The following MERTK variants were observed in gnomAD, a reference collection of about 807,000 sequenced individuals.
The protein encoded by MERTK is MER proto-oncogene, tyrosine kinase.
Under a neutral mutation model 99.3 loss-of-function variants are expected in MERTK, and 69 were observed. That is an observed-to-expected ratio of 0.70 (90% CI 0.57 to 0.85). The LOEUF is 0.85. MERTK is among the 40% of genes least tolerant of loss of function. MERTK has a pLI of 0.00. For missense variants in MERTK, 1,125 were observed against 1,249.4 expected (o/e 0.90, Z 1.50); for synonymous variants, 426 against 467.6 (o/e 0.91, Z 1.15).
chr2:111,941,393 T>A (rs1684863510), intron 2 of MERTK, among the ~76,000 whole-genome samples: 1 of 152,188 alleles, frequency 6.6e-6, no homozygotes, highest in African/African-American at 2.4e-5. Flanking sequence ...TTTCTCCTAC[T>A]GTGCTGCCCA....
chr2:111,973,792 G>A (rs1254450572), intron 6 of MERTK, among the ~76,000 whole-genome samples: 1 of 152,068 alleles, frequency 6.6e-6, no homozygotes, highest in Non-Finnish European at 1.5e-5. Flanking sequence ...AGGTATGCGA[G>A]GAAAGAGATG....
chr2:112,001,351 TAGAC>T (rs1398234838), intron 11 of MERTK, 65 bp downstream of exon 11: 46 of 1,273,636 alleles, frequency 3.6e-5, no homozygotes, highest in Non-Finnish European at 4.9e-5. Flanking sequence ...GAAGGATCAA[TAGAC>T]AGATTTCTAA....
In MERTK at chr2:111,980,935, A is replaced by G. The variant is rs116018637; in HGVS notation, c.1145-1907A>G. On this transcript the variant is annotated intron_variant, in intron 7 of 18. Transcript: ENST00000295408. The stretch of plus-strand genomic sequence containing the variant: ...ACTCCTCTTTGCCTTGTGAGTTTAT[A>G]TCTTTTTAAATTCTTTATTGCCATC... Among the ~76,000 whole-genome samples the G allele has an allele frequency of 3.5e-3, 531 of 152,182 alleles. 5 individuals are homozygous for G. Among genetic ancestry groups the G allele is most frequent in the African/African-American group, 0.012 (480 of 41,520 alleles).
chr2:111,962,289 C>T (rs1256899235), intron 4 of MERTK, among the ~76,000 whole-genome samples: 1 of 152,126 alleles, frequency 6.6e-6, no homozygotes, highest in Non-Finnish European at 1.5e-5. Flanking sequence ...AGGTGGATCA[C>T]CTGAGGTCGG....
chr2:111,982,014 C>A (rs1293369410), intron 7 of MERTK, among the ~76,000 whole-genome samples: 1 of 151,394 alleles, frequency 6.6e-6, no homozygotes, highest in Non-Finnish European at 1.5e-5. Flanking sequence ...ACCTTCCCTG[C>A]CTTCTTCTTC....
chr2:112,026,277 AAAG>A (rs145103384), intron 18 of MERTK: 2,174 of 152,684 alleles, frequency 0.014, 58 homozygotes, highest in African/African-American at 0.05. Context: ...TATTAAAGGA[AAAG>A]AAGTTTCAAA....
intron 1 of MERTK, among the ~76,000 whole-genome samples, chr2:111,908,482 AC>A (rs1684181567): frequency 6.6e-6 from 1 of 152,042 alleles, no homozygotes; most frequent in African/African-American, 2.4e-5. Context: ...CCTCACTCCC[AC>A]CCAGAGAAAA....
rs865775408 is a variant in MERTK at position 111,985,346 on chromosome 2, G to A, written c.1296+2353G>A. 5.9e-5 allele frequency among the ~76,000 whole-genome samples: 9 copies of A among 152,104 alleles called. No individual in the cohort carries two copies. In the East Asian group the frequency reaches 1.2e-3, roughly 20 times the overall value. On this transcript the variant is annotated intron_variant, in intron 8 of 18. Coordinates refer to ENST00000295408, the MANE Select transcript of MERTK (RefSeq NM_006343.3). ...TCTAGACAGGTTCCCTTCCCACCTG[G>A]GAAAGGAAGAGAGTGGGGTATTGCT...
Position 112,019,444 on chromosome 2 carries a change from T to C in MERTK, c.2111T>C (p.Met704Thr). The change falls in exon 16 of 19, where the codon ATG (methionine) becomes ACG (threonine). Residue 704 changes from methionine to threonine, a missense_variant. Met to Thr is a moderately conservative substitution (Grantham distance 81). Transcript: ENST00000295408. ...HIPLQTLLKF[M>T]VDIALGMEYL... ...CCTCTGCAGACACTATTGAAGTTCATGGTGGATATTGCCCTGGGAATGGAG... is the reference window on the plus strand; with the variant it reads ...CCTCTGCAGACACTATTGAAGTTCACGGTGGATATTGCCCTGGGAATGGAG... The C allele has an allele frequency of 6.2e-7, 1 of 1,613,598 alleles. No individual in the cohort carries two copies. Among genetic ancestry groups the C allele is most frequent in the Non-Finnish European group, 8.5e-7 (1 of 1,179,504 alleles).
At chr2:111,925,792 C>A (rs952268454) in intron 1 of MERTK, among the ~76,000 whole-genome samples, 3 of 151,554 alleles carry the variant, frequency 2.0e-5, no homozygotes, top group Admixed American at 2.0e-4. Context: ...TATTATCTTG[C>A]AGGGTTGGGC....
At chr2:111,994,565 A>C (rs7592909) in intron 9 of MERTK, 161 bp downstream of exon 9, 598,460 of 987,276 alleles carry the variant, frequency 0.61, 185,193 homozygotes, top group African/African-American at 0.66. Flanking sequence ...GAGTTTGAGA[A>C]CAACCTGGGC....
At chr2:111,999,337 C>T (rs374953025) in intron 10 of MERTK, among the ~76,000 whole-genome samples, 3 of 152,120 alleles carry the variant, frequency 2.0e-5, no homozygotes, top group African/African-American at 7.2e-5. Context: ...CTTGCTCTGT[C>T]GTCCAGGCTG....
chr2:111,987,260 G>A (rs1211256986), intron 8 of MERTK, among the ~76,000 whole-genome samples: 1 of 152,086 alleles, frequency 6.6e-6, no homozygotes, highest in Admixed American at 6.5e-5. Flanking sequence ...ACAGAAGACA[G>A]GTTTGTAGCT....
intron 2 of MERTK, 63 bp downstream of exon 2, chr2:111,929,603 T>TTTATTTAC: frequency 1.3e-5 from 16 of 1,270,078 alleles, no homozygotes; most frequent in Middle Eastern, 2.7e-4. Flanking sequence ...TATTTACTTA[T>TTTATTTAC]TGAGACAGAG....
At chr2:111,926,584 G>A (rs767025737) in intron 1 of MERTK, among the ~76,000 whole-genome samples, 12 of 148,754 alleles carry the variant, frequency 8.1e-5, no homozygotes, top group African/African-American at 2.4e-4. Context: ...CAGATTAGCC[G>A]GGCATGGTGG....
chr2:111,994,526 C>T, intron 9 of MERTK, 122 bp downstream of exon 9: 3 of 1,387,730 alleles, frequency 2.2e-6, no homozygotes, highest in Non-Finnish European at 3.1e-6. Flanking sequence ...CTGGGCTTAT[C>T]TCAACACTTC....
chr2:111,942,857 C>G (rs1300800547), intron 2 of MERTK, among the ~76,000 whole-genome samples: 1 of 152,148 alleles, frequency 6.6e-6, no homozygotes, highest in Non-Finnish European at 1.5e-5. Flanking sequence ...TCTGACCCCC[C>G]GAGTTCTGAC....
Position 111,942,800 on chromosome 2 carries a change from C to T in MERTK, c.483-2160C>T, listed in dbSNP as rs968624071. Among the ~76,000 whole-genome samples, 5 of 152,320 alleles carry T rather than the reference C, an allele frequency of 3.3e-5. No individual in the cohort carries two copies. In the East Asian group the frequency reaches 9.7e-4, roughly 29 times the overall value. On this transcript the variant is annotated intron_variant, in intron 2 of 18. Transcript: ENST00000295408. ...AAATGCAATGACAGGGGACTGTTAA[C>T]TCCTGGATCCTGGGAACAGTAAGGA... is the stretch of plus-strand genomic sequence containing the variant.
rs759001809 is a variant in MERTK at position 112,009,981 on chromosome 2, C to T, written c.1994C>T (p.Pro665Leu). Residue 665 changes from proline to leucine, a missense_variant, in exon 15 of 19, where the codon CCA (proline) becomes CTA (leucine). Coordinates refer to ENST00000295408, the MANE Select transcript of MERTK (RefSeq NM_006343.3). ...ATAGAAATGAGCTCTCAAGGCATCC[C>T]AAAGCCCATGGTAATTTTACCCTTC... is the stretch of plus-strand genomic sequence containing the variant. ...VCIEMSSQGI[P>L]KPMVILPFMK... 2 of 1,613,858 alleles carry T rather than the reference C, an allele frequency of 1.2e-6. No individual in the cohort carries two copies. Among genetic ancestry groups the T allele is most frequent in the Non-Finnish European group, 1.7e-6 (2 of 1,179,778 alleles).
Sources: allele counts gnomAD v4.1 joint callset (sites outside exome capture counted in the v4.1 genomes callset), GRCh38; gene constraint gnomAD v4.1.1; transcripts MANE v1.5; gene names NCBI Gene and HGNC (gene_info 2026-07-23, HGNC 2026-07-21).